The following ARHGAP26 variants were observed in gnomAD, a reference collection of about 807,000 sequenced individuals.
ARHGAP26 encodes the protein rho GTPase-activating protein 26.
Under a neutral mutation model 104.8 loss-of-function variants are expected in ARHGAP26, and 38 were observed. That is an observed-to-expected ratio of 0.36 (90% CI 0.28 to 0.48). The LOEUF is 0.48. Ranked by LOEUF, ARHGAP26 falls within the 20% of genes least tolerant of loss-of-function variation. ARHGAP26 has a pLI of 0.99. For missense variants in ARHGAP26, 704 were observed against 947.9 expected (o/e 0.74, Z 3.38); for synonymous variants, 341 against 340.0 (o/e 1.00, Z -0.03).
rs1419634609 is a variant in ARHGAP26, at chr5:143,079,197, A to T, written c.1538+21450A>T. ...AAGTCAGTTTGGAAATGGTAGAGGGATGGGAGGGCACAAAGGATCTATAGA... is the reference window on the plus strand; with the variant it reads ...AAGTCAGTTTGGAAATGGTAGAGGGTTGGGAGGGCACAAAGGATCTATAGA... On this transcript the variant is annotated intron_variant, in intron 17 of 22. Transcript: ENST00000645722. Among the ~76,000 whole-genome samples the T allele has an allele frequency of 2.0e-5, 3 of 152,330 alleles. No individual in the cohort carries two copies. In the East Asian group the frequency reaches 5.8e-4, roughly 29 times the overall value.
chr5:142,959,466 C>A (rs1322545281), intron 11 of ARHGAP26, among the ~76,000 whole-genome samples: 3 of 152,178 alleles, frequency 2.0e-5, no homozygotes, highest in Non-Finnish European at 4.4e-5. Flanking sequence ...CAAACACATG[C>A]CTGTGATTGG....
intron 11 of ARHGAP26, among the ~76,000 whole-genome samples, chr5:142,949,165 CAGAGAGAGAG>C (rs71276311): frequency 8.0e-5 from 3 of 37,356 alleles, no homozygotes; most frequent in African/African-American, 3.7e-4. Context: ...GTTGAATTTC[CAGAGAGAGAG>C]AGAGAGAGAG....
At chr5:142,812,633 C>T (rs929382361) in intron 1 of ARHGAP26, among the ~76,000 whole-genome samples, 3 of 152,106 alleles carry the variant, frequency 2.0e-5, no homozygotes, top group African/African-American at 4.8e-5. Flanking sequence ...CCACCACGCG[C>T]AGCTTCAATC....
intron 20 of ARHGAP26, among the ~76,000 whole-genome samples, chr5:143,199,375 C>T (rs1200725486): frequency 6.6e-6 from 1 of 152,160 alleles, no homozygotes; most frequent in East Asian, 1.9e-4. Flanking sequence ...GGTTTTGTGT[C>T]ATTTGGTCTG....
chr5:143,132,223 C>T (rs1013276798), intron 18 of ARHGAP26, among the ~76,000 whole-genome samples: 8 of 152,036 alleles, frequency 5.3e-5, no homozygotes, highest in Non-Finnish European at 2.9e-5. Context: ...ACCCGCCAAC[C>T]CATGGAGAGC....
chr5:142,814,842 A>G (rs1764784705), intron 1 of ARHGAP26, among the ~76,000 whole-genome samples: 1 of 152,208 alleles, frequency 6.6e-6, no homozygotes, highest in Non-Finnish European at 1.5e-5. Context: ...ATCAGATGAG[A>G]TAATGCGTTA....
intron 20 of ARHGAP26, among the ~76,000 whole-genome samples, chr5:143,176,173 G>T (rs1803449485): frequency 6.6e-6 from 1 of 152,088 alleles, no homozygotes. Flanking sequence ...AAACAGAATT[G>T]TCTTTATGAG....
chr5:143,111,768 T>C (rs1794794978), intron 17 of ARHGAP26, among the ~76,000 whole-genome samples: 1 of 152,212 alleles, frequency 6.6e-6, no homozygotes, highest in Admixed American at 6.5e-5. Flanking sequence ...TTATTAGACC[T>C]CGTAAATATT....
intron 14 of ARHGAP26, among the ~76,000 whole-genome samples, chr5:143,043,411 G>T (rs572811591): frequency 1.3e-5 from 2 of 152,116 alleles, no homozygotes; most frequent in Non-Finnish European, 2.9e-5. Flanking sequence ...ATATTCCATT[G>T]TATGGATGTA....
chr5:143,223,931 A>G lies in ARHGAP26; in HGVS notation c.*1485A>G, dbSNP rs1811456941. On this transcript the variant is annotated 3_prime_UTR_variant, in exon 23 of 23. Transcript: ENST00000645722. ...AGTTATCCGTATCTTCCACATGTGA[A>G]TGTCATTGCAAGGGTGACTCTAGAC... 1 of 231,716 alleles carries G rather than the reference A, an allele frequency of 4.3e-6. No homozygotes were observed. The highest frequency in any genetic ancestry group is 8.6e-6 in the Non-Finnish European group (1 of 116,878). 14.4% of individuals were successfully genotyped at this position (231,716 alleles called of 1,614,324 possible).
Position 142,871,575 on chromosome 5 carries a change from A to G in ARHGAP26, c.155-1825A>G, listed in dbSNP as rs1755313545. Among the ~76,000 whole-genome samples the G allele has an allele frequency of 6.6e-6, 1 of 152,232 alleles. No homozygotes were observed. On this transcript the variant is annotated intron_variant, in intron 1 of 22. Coordinates refer to ENST00000645722, the MANE Select transcript of ARHGAP26 (RefSeq NM_001135608.3). The surrounding 1 kb of genome is among the most constrained non-coding windows in gnomAD (Gnocchi z 4.1). ...ATAACCACACCCACATTTGATGCAC[A>G]CACATTTGGAGGCTCTAACAGAACA...
chr5:143,052,071 A>T (rs1228729712), intron 14 of ARHGAP26, among the ~76,000 whole-genome samples: 1 of 152,206 alleles, frequency 6.6e-6, no homozygotes, highest in Non-Finnish European at 1.5e-5. Context: ...CACAAATTAA[A>T]GTGGCAGACA....
Position 143,227,162 on chromosome 5 carries a change from A to G in ARHGAP26, c.*4716A>G. ...AGTTTTGTGGACATGGCACTCCCGG[A>G]GACAGCAGTGGCCACCATGGCACCC... On this transcript the variant is annotated 3_prime_UTR_variant, in exon 23 of 23. Coordinates refer to ENST00000645722, the MANE Select transcript of ARHGAP26 (RefSeq NM_001135608.3). 4.3e-6 allele frequency: 1 copy of G among 230,424 alleles called. No homozygotes were observed. The highest frequency in any genetic ancestry group is 8.6e-6 in the Non-Finnish European group (1 of 116,370). 14.3% of individuals were successfully genotyped at this position (230,424 alleles called of 1,614,324 possible).
intron 18 of ARHGAP26, among the ~76,000 whole-genome samples, chr5:143,133,323 C>T (rs1204689174): frequency 6.6e-6 from 1 of 152,056 alleles, no homozygotes; most frequent in Non-Finnish European, 1.5e-5. Flanking sequence ...GACTTTTCTG[C>T]ATTTTTCAAA....
intron 1 of ARHGAP26, among the ~76,000 whole-genome samples, chr5:142,793,188 C>G (rs969934153): frequency 6.6e-6 from 1 of 151,358 alleles, no homozygotes; most frequent in African/African-American, 2.4e-5. Context: ...TGAGGCTGGT[C>G]GCCAAGCAAC....
rs752946255 is a variant in ARHGAP26, at chr5:142,894,235, T to C, written c.487-3T>C. Reference sequence around the variant, plus strand: ...TTTCTCTTAAATTCCATCTTGTTTGTAGGCAGACAGCCAAGTGGACCTGGT... The same window carrying C: ...TTTCTCTTAAATTCCATCTTGTTTGCAGGCAGACAGCCAAGTGGACCTGGT... On this transcript the variant is annotated splice_polypyrimidine_tract_variant and splice_region_variant and intron_variant, in intron 5 of 22. Transcript: ENST00000645722. 1.2e-6 allele frequency: 2 copies of C among 1,613,506 alleles called. No individual in the cohort carries two copies. The highest frequency in any genetic ancestry group is 1.7e-6 in the Non-Finnish European group (2 of 1,179,468).
At chr5:142,988,660 A>G (rs1429308661) in intron 11 of ARHGAP26, among the ~76,000 whole-genome samples, 2 of 152,140 alleles carry the variant, frequency 1.3e-5, no homozygotes, top group African/African-American at 2.4e-5. Context: ...ACACAGCTTT[A>G]AATGTGTCCC....
chr5:143,056,190 G>T, intron 16 of ARHGAP26, 104 bp downstream of exon 16: 1 of 911,204 alleles, frequency 1.1e-6, no homozygotes, highest in Non-Finnish European at 1.7e-6. Context: ...TTCGTATTCT[G>T]CACATAAACT....
chr5:142,797,175 T>C (rs1761143248), intron 1 of ARHGAP26, among the ~76,000 whole-genome samples: 1 of 152,200 alleles, frequency 6.6e-6, no homozygotes, highest in South Asian at 2.1e-4. Context: ...TCTAAGAGCA[T>C]TGTATCATTT....
Sources: gnomAD v4.1 joint callset for allele counts (sites outside exome capture counted in the v4.1 genomes callset) on GRCh38, gnomAD v4.1.1 for gene constraint, Gnocchi (gnomAD v3.1) non-coding constraint, MANE v1.5 for transcripts, NCBI Gene and HGNC (gene_info 2026-07-23, HGNC 2026-07-21) for gene names.